CBFA2T3: variants seen among roughly 807,000 people sequenced by gnomAD.
CBFA2T3 encodes CBFA2/RUNX1 partner transcriptional co-repressor 3.
A neutral mutation model predicts 58.6 loss-of-function variants in CBFA2T3; 31 were observed. The ratio of observed to expected loss-of-function variants is 0.53; its 90% confidence interval spans 0.40 to 0.71. CBFA2T3 has a LOEUF of 0.71. Ranked by LOEUF, CBFA2T3 falls within the 30% of genes least tolerant of loss-of-function variation. CBFA2T3 has a pLI of 0.00. For synonymous variants in CBFA2T3, 531 were observed against 421.9 expected, an observed-to-expected ratio of 1.26 and a Z score of -3.17; for missense variants, 1,076 against 963.1, an observed-to-expected ratio of 1.12 and a Z score of -1.55.
intron 1 of CBFA2T3, among the ~76,000 whole-genome samples, chr16:88,905,229 C>T (rs544703981): frequency 2.0e-5 from 3 of 152,038 alleles, no homozygotes; most frequent in Non-Finnish European, 4.4e-5. Context: ...TGCTTAATAC[C>T]CTTCAGCAGC....
intron 1 of CBFA2T3, among the ~76,000 whole-genome samples, chr16:88,914,927 C>A (rs892697802): frequency 6.6e-6 from 1 of 151,680 alleles, no homozygotes; most frequent in Non-Finnish European, 1.5e-5. Context: ...ACTCCCTGAG[C>A]GCCCTGGGGG....
At chr16:88,888,696 G>T (rs1969499897) in intron 5 of CBFA2T3, among the ~76,000 whole-genome samples, 1 of 149,870 alleles carries the variant, frequency 6.7e-6, no homozygotes, top group African/African-American at 2.5e-5. Context: ...CTGGAAGCAG[G>T]ACTGGCCGCA....
chr16:88,905,728 G>T (rs1471908680), intron 1 of CBFA2T3, among the ~76,000 whole-genome samples: 1 of 134,928 alleles, frequency 7.4e-6, no homozygotes, highest in East Asian at 2.2e-4. Flanking sequence ...CGGGGCTGAA[G>T]GAGGGGCGGG....
intron 1 of CBFA2T3, among the ~76,000 whole-genome samples, chr16:88,948,173 C>G (rs1026094500): frequency 6.6e-6 from 1 of 152,212 alleles, no homozygotes; most frequent in South Asian, 2.1e-4. Flanking sequence ...GAGTCAGATG[C>G]CGCAAGCCAC....
chr16:88,894,164 C>T (rs959560923), intron 3 of CBFA2T3, among the ~76,000 whole-genome samples: 2 of 151,250 alleles, frequency 1.3e-5, no homozygotes, highest in Admixed American at 6.6e-5. Flanking sequence ...TGCACGCACA[C>T]ATGCACACAC....
intron 9 of CBFA2T3, 179 bp downstream of exon 9, chr16:88,881,112 G>GA (rs1969053403): frequency 2.7e-6 from 2 of 737,338 alleles, no homozygotes; most frequent in Non-Finnish European, 4.8e-6. Context: ...CAGACGCTCT[G>GA]AGCTCCAGGC....
rs905186529 is a variant in CBFA2T3, at chr16:88,876,334, C to G, written c.*642G>C. On this transcript the variant is annotated 3_prime_UTR_variant, in exon 12 of 12. Transcript: ENST00000268679. ...CAAAAATGCATCTTGAGTCAGAAAT[C>G]GAAATCTTTCCTCCCGTCTTCGCTG... 3.9e-5 allele frequency: 9 copies of G among 228,148 alleles called. No homozygotes were observed. The highest frequency in any genetic ancestry group is 1.6e-4 in the African/African-American group (7 of 45,138). 14.1% of individuals were successfully genotyped at this position (228,148 alleles called of 1,614,324 possible).
chr16:88,954,438 T>G (rs7498507), intron 1 of CBFA2T3, among the ~76,000 whole-genome samples: 91 of 44,758 alleles, frequency 2.0e-3, no homozygotes, highest in East Asian at 3.3e-3. Flanking sequence ...CCTGACCCCA[T>G]CCAAGGCTCC....
chr16:88,897,973 C>A, intron 3 of CBFA2T3, 105 bp downstream of exon 3: 1 of 837,284 alleles, frequency 1.2e-6, no homozygotes, highest in Non-Finnish European at 2.1e-6. Context: ...GGTGCGGAGG[C>A]CGGGGAGGAG....
intron 1 of CBFA2T3, among the ~76,000 whole-genome samples, chr16:88,970,351 G>A (rs1490031888): frequency 6.6e-6 from 1 of 152,188 alleles, no homozygotes; most frequent in Non-Finnish European, 1.5e-5. Context: ...GCTCAGCTGA[G>A]GGCGCGGCTC....
At chr16:88,925,888 A>G (rs1266259742) in intron 1 of CBFA2T3, among the ~76,000 whole-genome samples, 4 of 152,222 alleles carry the variant, frequency 2.6e-5, no homozygotes. Flanking sequence ...TCTCTACGCC[A>G]GACGCCATGT....
At chr16:88,909,485 C>T (rs12931282) in intron 1 of CBFA2T3, among the ~76,000 whole-genome samples, 4 of 70,100 alleles carry the variant, frequency 5.7e-5, no homozygotes, top group Admixed American at 1.4e-4. Flanking sequence ...CGGGTGACCC[C>T]GACGGCAGCT....
At chr16:88,948,007 TG>T (rs1247416064) in intron 1 of CBFA2T3, among the ~76,000 whole-genome samples, 2 of 152,218 alleles carry the variant, frequency 1.3e-5, no homozygotes, top group Non-Finnish European at 2.9e-5. Flanking sequence ...TGTGTATTCA[TG>T]CATGAATAAT....
At chr16:88,935,033 C>T (rs1971451625) in intron 1 of CBFA2T3, among the ~76,000 whole-genome samples, 1 of 152,124 alleles carries the variant, frequency 6.6e-6, no homozygotes, top group Non-Finnish European at 1.5e-5. Flanking sequence ...AGCCACCGTG[C>T]CTGGCCAGAA....
intron 1 of CBFA2T3, among the ~76,000 whole-genome samples, chr16:88,968,404 T>C (rs980445475): frequency 6.6e-6 from 1 of 152,122 alleles, no homozygotes; most frequent in Admixed American, 6.5e-5. Context: ...AAGCCCCAGC[T>C]GAGGGGCCGC....
At chr16:88,887,364 C>T (rs1969420662) in intron 5 of CBFA2T3, among the ~76,000 whole-genome samples, 1 of 152,220 alleles carries the variant, frequency 6.6e-6, no homozygotes, top group South Asian at 2.1e-4. Flanking sequence ...CTCATCAGCC[C>T]CTCCCCAGGG....
At chr16:88,900,964 C>A (rs1970072882) in intron 2 of CBFA2T3, among the ~76,000 whole-genome samples, 1 of 152,252 alleles carries the variant, frequency 6.6e-6, no homozygotes, top group African/African-American at 2.4e-5. Context: ...AAGGCCCCCA[C>A]CCTGGCCCCC....
Position 88,892,355 on chromosome 16 carries a change from C to G in CBFA2T3, c.510G>C (p.Gly170=). 10 of 1,613,358 alleles carry G rather than the reference C, an allele frequency of 6.2e-6. No individual in the cohort carries two copies. Among genetic ancestry groups the G allele is most frequent in the Non-Finnish European group, 7.6e-6 (9 of 1,179,972 alleles). Reference sequence around the variant, plus strand: ...GCTTGAGCTTGCTGAGCTGCCGGGCCCCGCAGGCTGGGGGCAGGTGCTGTG... The same window carrying G: ...GCTTGAGCTTGCTGAGCTGCCGGGCGCCGCAGGCTGGGGGCAGGTGCTGTG... ...LSTQHLPPAC[G]ARQLSKLKRF... is the part of the protein sequence containing the mutation. Residue 170 remains glycine, a synonymous_variant, in exon 4 of 12, where the codon GGG becomes GGC. Coordinates refer to ENST00000268679, the MANE Select transcript of CBFA2T3 (RefSeq NM_005187.6).
chr16:88,883,108 G>A (rs796823026), intron 7 of CBFA2T3, among the ~76,000 whole-genome samples: 5 of 152,318 alleles, frequency 3.3e-5, no homozygotes, highest in South Asian at 2.1e-4. Flanking sequence ...GGTGTGGACC[G>A]AGGCTGGCTG....
Sources: gnomAD v4.1 joint callset for allele counts (sites outside exome capture counted in the v4.1 genomes callset) on GRCh38, gnomAD v4.1.1 for gene constraint, MANE v1.5 for transcripts, NCBI Gene and HGNC (gene_info 2026-07-23, HGNC 2026-07-21) for gene names.